Variants in CDC42 observed in about 807,000 individuals in gnomAD.
The protein encoded by CDC42 is cell division control protein 42 homolog.
CDC42 carries 1 observed loss-of-function variant against 20.8 expected under a neutral mutation model. The observed-to-expected ratio is 0.05, with a 90% CI of 0.02 to 0.23. The LOEUF is 0.23. Among genes scored for constraint, CDC42 ranks in the 10% least tolerant of loss-of-function variants. CDC42 has a pLI of 1.00. For synonymous variants in CDC42, 72 were observed against 84.8 expected, an observed-to-expected ratio of 0.85 and a Z score of 0.83; for missense variants, 49 against 227.9, an observed-to-expected ratio of 0.21 and a Z score of 5.05.
intron 5 of CDC42, among the ~76,000 whole-genome samples, chr1:22,088,028 G>A (rs1322501689): frequency 2.0e-5 from 3 of 152,052 alleles, no homozygotes; most frequent in Non-Finnish European, 2.9e-5. Context: ...TCTAATCCTC[G>A]TTTTTTTGGG....
intron 1 of CDC42, among the ~76,000 whole-genome samples, chr1:22,063,727 CT>C (rs377099073): frequency 6.7e-6 from 1 of 149,750 alleles, no homozygotes; most frequent in Non-Finnish European, 1.5e-5. Context: ...ACCTTCACAA[CT>C]TTTTTTTTTG....
intron 2 of CDC42, 38 bp from the exon 3 acceptor site, chr1:22,081,684 C>T (rs1645609296): frequency 1.5e-6 from 2 of 1,308,324 alleles, no homozygotes; most frequent in East Asian, 4.6e-5. Context: ...TTAACTCTCT[C>T]CTTGCACACT....
intron 1 of CDC42, chr1:22,053,235 G>GCGCCGC: frequency 6.7e-6 from 1 of 150,164 alleles, no homozygotes; most frequent in African/African-American, 2.4e-5. Context: ...GCTTCGCCGG[G>GCGCCGC]CGCCGCCGCG....
At chr1:22,078,985 T>A in intron 2 of CDC42, 1 of 517,934 alleles carries the variant, frequency 1.9e-6, no homozygotes, top group Non-Finnish European at 2.9e-6. Context: ...GAGAAAGTAG[T>A]ATGTGTCTCC....
intron 3 of CDC42, among the ~76,000 whole-genome samples, chr1:22,082,325 G>T (rs552330642): frequency 6.6e-6 from 1 of 152,080 alleles, no homozygotes; most frequent in East Asian, 1.9e-4. Flanking sequence ...AGTTTCTTAC[G>T]ATAGATAGCT....
In CDC42 at chr1:22,086,308, T is replaced by C. The variant is rs935049584; in HGVS notation, c.179-131T>C. The C allele has an allele frequency of 1.0e-5, 6 of 599,048 alleles. No individual in the cohort carries two copies. The Admixed American group carries it at 1.2e-4, about 12-fold the overall frequency. The allele number at this position is 599,048 out of a possible 1,614,324, so 37.1% of individuals were successfully genotyped here. A position where few individuals can be genotyped will look rare whatever the true frequency, so the allele number is the denominator to read the frequency against. On this transcript the variant is annotated intron_variant, in intron 3 of 5. Transcript: ENST00000656825. ...GCTGATTGAGAATATTGCCCACATA[T>C]TATATTACAAAGCCATACATTTTAT...
At position 22,097,711 on chromosome 1, in the gene CDC42, C is replaced by T. The variant is rs1485801422; in HGVS notation, c.*6194C>T. On this transcript the variant is annotated 3_prime_UTR_variant, in exon 6 of 6. Transcript: ENST00000656825. ...GGGTAAACTTCTGTGAAGTTAGACA[C>T]TTGCCTCTTAGAGGCATATCCAGTG... Among the ~76,000 whole-genome samples the T allele has an allele frequency of 3.3e-5, 5 of 152,236 alleles. No homozygotes were observed. The highest frequency in any genetic ancestry group is 3.3e-4 in the Admixed American group (5 of 15,290).
intron 1 of CDC42, among the ~76,000 whole-genome samples, chr1:22,071,347 A>G (rs1645490124): frequency 1.3e-5 from 2 of 152,148 alleles, no homozygotes; most frequent in Non-Finnish European, 2.9e-5. Flanking sequence ...CCCGGTCGGA[A>G]CAAGCATTTC....
At chr1:22,065,319 T>G (rs1266038378) in intron 1 of CDC42, among the ~76,000 whole-genome samples, 1 of 152,226 alleles carries the variant, frequency 6.6e-6, no homozygotes, top group Non-Finnish European at 1.5e-5. Flanking sequence ...TTCTGTAATA[T>G]TTTGAATCTC....
chr1:22,065,816 C>T (rs1645416640), intron 1 of CDC42, among the ~76,000 whole-genome samples: 1 of 152,048 alleles, frequency 6.6e-6, no homozygotes, highest in Non-Finnish European at 1.5e-5. Context: ...GGCTGGAGTG[C>T]AGTGGCATGA....
At chr1:22,057,978 C>T (rs148963741) in intron 1 of CDC42, among the ~76,000 whole-genome samples, 1,671 of 152,278 alleles carry the variant, frequency 0.011, 9 homozygotes, top group Non-Finnish European at 0.017. Flanking sequence ...CTGCCTGCCT[C>T]GGCCTCCCAA....
intron 1 of CDC42, among the ~76,000 whole-genome samples, chr1:22,076,899 G>T (rs191283010): frequency 1.4e-4 from 22 of 152,160 alleles, no homozygotes; most frequent in Non-Finnish European, 3.2e-4. Flanking sequence ...CCAGCACTCT[G>T]GGACTTTGGG....
chr1:22,056,185 A>T (rs998593351), intron 1 of CDC42, among the ~76,000 whole-genome samples: 3 of 152,172 alleles, frequency 2.0e-5, no homozygotes, highest in African/African-American at 7.2e-5. Context: ...AATGAATTTG[A>T]TGATGTCTGA....
chr1:22,063,779 G>A (rs1645391019), intron 1 of CDC42, among the ~76,000 whole-genome samples: 1 of 152,044 alleles, frequency 6.6e-6, no homozygotes. Context: ...GGAATGCAGT[G>A]ATGCCATCAT....
chr1:22,100,344 A>G lies in CDC42; in HGVS notation c.*8827A>G, dbSNP rs1487933464. 7.9e-5 allele frequency among the ~76,000 whole-genome samples: 12 copies of G among 152,178 alleles called. No individual in the cohort carries two copies. The highest frequency in any genetic ancestry group is 7.9e-4 in the Admixed American group (12 of 15,272). ...AACTCTGTAAAAGAGGCAGGGATGG[A>G]TGATGTCATTTGTCAAATGGTAAAA... is the stretch of plus-strand genomic sequence containing the variant. On this transcript the variant is annotated 3_prime_UTR_variant, in exon 6 of 6. Coordinates refer to ENST00000656825, the MANE Select transcript of CDC42 (RefSeq NM_001791.4).
intron 3 of CDC42, among the ~76,000 whole-genome samples, chr1:22,082,434 TC>T (rs1388041954): frequency 2.0e-5 from 3 of 152,248 alleles, no homozygotes; most frequent in Non-Finnish European, 4.4e-5. Context: ...CAAATTACTT[TC>T]TTCCTTAAAT....
intron 1 of CDC42, among the ~76,000 whole-genome samples, chr1:22,065,956 C>T (rs760882038): frequency 2.4e-4 from 37 of 152,196 alleles, no homozygotes; most frequent in Non-Finnish European, 4.7e-4. Flanking sequence ...GACGGGATTT[C>T]ACCATGTTGG....
chr1:22,096,884 C>G lies in CDC42; in HGVS notation c.*5367C>G, dbSNP rs1278697931. Among the ~76,000 whole-genome samples, 1 of 152,252 alleles carries G rather than the reference C, an allele frequency of 6.6e-6. No individual in the cohort carries two copies. Among genetic ancestry groups the G allele is most frequent in the African/African-American group, 2.4e-5 (1 of 41,474 alleles). ...AGATCTATTTTGTGAGCAAATAGTACTGCCTTGGATGTGGTACCCTTGTGC... is the reference window on the plus strand; with the variant it reads ...AGATCTATTTTGTGAGCAAATAGTAGTGCCTTGGATGTGGTACCCTTGTGC... On this transcript the variant is annotated 3_prime_UTR_variant, in exon 6 of 6. Transcript: ENST00000656825.
intron 1 of CDC42, among the ~76,000 whole-genome samples, chr1:22,066,633 G>A (rs1054239269): frequency 7.9e-5 from 12 of 152,182 alleles, no homozygotes; most frequent in African/African-American, 2.7e-4. Context: ...TGAAAGGAGT[G>A]TAAGGAGGGA....
Sources: gnomAD v4.1 joint callset for allele counts (sites outside exome capture counted in the v4.1 genomes callset) on GRCh38, gnomAD v4.1.1 for gene constraint, MANE v1.5 for transcripts, NCBI Gene and HGNC (gene_info 2026-07-23, HGNC 2026-07-21) for gene names.